The following NOP58 variants were observed in gnomAD, a reference collection of about 807,000 sequenced individuals.
NOP58 encodes the protein NOP58 ribonucleoprotein.
Under a neutral mutation model 71.2 loss-of-function variants are expected in NOP58, and 44 were observed. That is an observed-to-expected ratio of 0.62 (90% CI 0.49 to 0.79). NOP58 has a LOEUF of 0.79. Ranked by LOEUF, NOP58 falls within the 30% of genes least tolerant of loss-of-function variation. NOP58 has a pLI of 0.00. For synonymous variants in NOP58, 228 were observed against 200.3 expected, an observed-to-expected ratio of 1.14 and a Z score of -1.17; for missense variants, 538 against 620.2, an observed-to-expected ratio of 0.87 and a Z score of 1.41.
intron 5 of NOP58, among the ~76,000 whole-genome samples, chr2:202,285,611 G>A (rs1328461358): frequency 1.3e-5 from 2 of 151,974 alleles, no homozygotes; most frequent in African/African-American, 4.8e-5. Flanking sequence ...AAAGTGCCGC[G>A]ACTGCAGGGG....
intron 7 of NOP58, chr2:202,290,918 G>C (rs1688875284): frequency 2.3e-6 from 1 of 439,960 alleles, no homozygotes; most frequent in Admixed American, 4.0e-5. Context: ...ATTATTTTTT[G>C]GAAGAAGGTG....
intron 12 of NOP58, among the ~76,000 whole-genome samples, chr2:202,298,911 A>G (rs1689040856): frequency 6.6e-6 from 1 of 150,968 alleles, no homozygotes; most frequent in Admixed American, 6.6e-5. Flanking sequence ...CCTAGTCATT[A>G]ACCCAATAAA....
chr2:202,283,127 C>T (rs942163364), intron 4 of NOP58, among the ~76,000 whole-genome samples: 8 of 151,912 alleles, frequency 5.3e-5, no homozygotes, highest in African/African-American at 1.9e-4. Flanking sequence ...GGCGCAGTCT[C>T]ACAGCTCACT....
chr2:202,275,075 T>C (rs530094388), intron 1 of NOP58, 38 bp from the exon 2 acceptor site: 1 of 1,026,690 alleles, frequency 9.7e-7, no homozygotes, highest in Admixed American at 2.1e-5. Context: ...GCCTCACCTG[T>C]ACCATTTAAA....
At chr2:202,269,128 G>T (rs1005509341) in intron 1 of NOP58, among the ~76,000 whole-genome samples, 6 of 151,842 alleles carry the variant, frequency 4.0e-5, no homozygotes, top group Non-Finnish European at 8.8e-5. Flanking sequence ...TGGGACTACA[G>T]GCTCAAGCCA....
At chr2:202,288,357 G>A (rs1688827815) in intron 6 of NOP58, among the ~76,000 whole-genome samples, 1 of 150,986 alleles carries the variant, frequency 6.6e-6, no homozygotes, top group Non-Finnish European at 1.5e-5. Flanking sequence ...GGTGGTGCAT[G>A]CCTGTAATCT....
In NOP58 at chr2:202,266,553, C is replaced by T. The variant is rs561192310; in HGVS notation, c.45+567C>T. The stretch of plus-strand genomic sequence containing the variant: ...CTGGTCTTGAACTCCTGACCTCAAG[C>T]GATCCACCTGCCTCGGCCTCCCAAA... On this transcript the variant is annotated intron_variant, in intron 1 of 14. Transcript: ENST00000264279. Among the ~76,000 whole-genome samples the T allele has an allele frequency of 3.3e-5, 5 of 152,088 alleles. No individual in the cohort carries two copies. The East Asian group carries it at 5.8e-4, about 18-fold the overall frequency.
At chr2:202,285,380 A>C (rs1574382569) in intron 5 of NOP58, among the ~76,000 whole-genome samples, 2 of 118,020 alleles carry the variant, frequency 1.7e-5, no homozygotes, top group African/African-American at 3.4e-5. Flanking sequence ...TCAGGGTCTC[A>C]CTCTGTTGCT....
chr2:202,299,106 T>C (rs1401031026), intron 12 of NOP58, among the ~76,000 whole-genome samples: 5 of 151,762 alleles, frequency 3.3e-5, no homozygotes, highest in African/African-American at 4.8e-5. Context: ...ATTACAGGCA[T>C]ACACCACCAC....
In NOP58 at chr2:202,290,412, A is replaced by T; in HGVS notation, c.589A>T (p.Ile197Phe). Residue 197 changes from isoleucine (I) to phenylalanine (F), a missense_variant, in exon 7 of 15, where the codon ATT (isoleucine) becomes TTT (phenylalanine). Physicochemically the swap from Ile to Phe is conservative, Grantham distance 21. Coordinates refer to ENST00000264279, the MANE Select transcript of NOP58 (RefSeq NM_015934.5). ...YGWHFPELGK[I>F]ISDNLTYCKC... The stretch of plus-strand genomic sequence containing the variant: ...CTGGCATTTCCCTGAATTAGGAAAA[A>T]TTATTTCAGATAATTTAACATACTG... 6.2e-7 allele frequency: 1 copy of T among 1,610,998 alleles called. No homozygotes were observed. The highest frequency in any genetic ancestry group is 8.5e-7 in the Non-Finnish European group (1 of 1,177,940).
chr2:202,295,510 A>G (rs1319242156), intron 9 of NOP58, among the ~76,000 whole-genome samples, 164 bp from the exon 10 acceptor site: 1 of 152,242 alleles, frequency 6.6e-6, no homozygotes, highest in East Asian at 1.9e-4. Flanking sequence ...GGAATTACAA[A>G]TGAAACATCA....
chr2:202,290,805 T>TA (rs1688873227), intron 7 of NOP58, among the ~76,000 whole-genome samples: 1 of 152,008 alleles, frequency 6.6e-6, no homozygotes, highest in South Asian at 2.1e-4. Flanking sequence ...AGCTTCAGTA[T>TA]AAAATTGTCT....
intron 3 of NOP58, among the ~76,000 whole-genome samples, chr2:202,278,574 AG>A (rs375426134): frequency 1.5e-3 from 222 of 152,314 alleles, no homozygotes; most frequent in African/African-American, 5.1e-3. Context: ...ACGGGACAAC[AG>A]AGTGATCGGG....
At chr2:202,297,147 A>T (rs1209267264) in intron 10 of NOP58, among the ~76,000 whole-genome samples, 1 of 152,182 alleles carries the variant, frequency 6.6e-6, no homozygotes, top group Non-Finnish European at 1.5e-5. Context: ...AATATTTTTT[A>T]AAAAAACCTA....
chr2:202,296,403 A>G (rs1164121278), intron 10 of NOP58, among the ~76,000 whole-genome samples: 1 of 152,062 alleles, frequency 6.6e-6, no homozygotes, highest in East Asian at 1.9e-4. Flanking sequence ...CAGTTTCACC[A>G]TGTTGGCCAG....
intron 10 of NOP58, among the ~76,000 whole-genome samples, chr2:202,296,729 G>GTTTT (rs1428860684): frequency 2.0e-5 from 3 of 151,484 alleles, no homozygotes; most frequent in Non-Finnish European, 4.4e-5. Flanking sequence ...TTGTTTGTTT[G>GTTTT]TTTGTTTGTT....
chr2:202,292,463 C>G (rs752656390), intron 8 of NOP58, among the ~76,000 whole-genome samples: 14 of 151,696 alleles, frequency 9.2e-5, no homozygotes, highest in Non-Finnish European at 1.6e-4. Flanking sequence ...ATGGTGAAAC[C>G]CTGTCTCTAC....
intron 10 of NOP58, among the ~76,000 whole-genome samples, chr2:202,296,931 C>CA (rs1446475344): frequency 6.6e-6 from 1 of 152,082 alleles, no homozygotes; most frequent in Non-Finnish European, 1.5e-5. Context: ...GACAGGGTTT[C>CA]ACCGTGTTAG....
chr2:202,290,484 C>G, intron 7 of NOP58, 27 bp downstream of exon 7: 9 of 1,574,878 alleles, frequency 5.7e-6, no homozygotes, highest in Non-Finnish European at 7.8e-6. Flanking sequence ...TCCTTTAAGG[C>G]ATTGAAAGTA....
Sources: gnomAD v4.1 joint callset for allele counts (sites outside exome capture counted in the v4.1 genomes callset) on GRCh38, gnomAD v4.1.1 for gene constraint, MANE v1.5 for transcripts, NCBI Gene and HGNC (gene_info 2026-07-23, HGNC 2026-07-21) for gene names.